The following FRMD4B variants were observed in gnomAD, a reference collection of about 807,000 sequenced individuals.
FRMD4B encodes the protein FERM domain containing 4B.
In FRMD4B, 74 loss-of-function variants were observed where a neutral mutation model predicts 141.5. That is an observed-to-expected ratio of 0.52 (90% CI 0.43 to 0.63). FRMD4B has a LOEUF of 0.63. Among genes scored for constraint, FRMD4B ranks in the 30% least tolerant of loss-of-function variants. FRMD4B has a pLI of 0.00. For missense variants in FRMD4B, 1,366 were observed against 1,253.4 expected, an observed-to-expected ratio of 1.09 and a Z score of -1.36; for synonymous variants, 506 against 467.9, an observed-to-expected ratio of 1.08 and a Z score of -1.05.
intron 1 of FRMD4B, among the ~76,000 whole-genome samples, chr3:69,344,341 G>C (rs959981348): frequency 6.6e-6 from 1 of 152,142 alleles, no homozygotes; most frequent in Non-Finnish European, 1.5e-5. Context: ...AGAAAGAAGG[G>C]GGAGAAAAAG....
intron 7 of FRMD4B, among the ~76,000 whole-genome samples, chr3:69,232,938 G>T (rs2093320431): frequency 6.9e-6 from 1 of 145,896 alleles, no homozygotes; most frequent in Admixed American, 6.9e-5. Context: ...TTTTGGTAGG[G>T]ATGAGGTCTC....
At chr3:69,504,317 T>C (rs1008245347) in intron 1 of FRMD4B, among the ~76,000 whole-genome samples, 30 of 152,204 alleles carry the variant, frequency 2.0e-4, no homozygotes, top group African/African-American at 7.2e-4. Context: ...AACAGCTTCA[T>C]TGGGATATAC....
Position 69,250,096 on chromosome 3 carries a change from G to A in FRMD4B, c.505C>T (p.Gln169Ter). Residue 169 changes from glutamine (Q) to a stop codon, truncating the protein, a stop_gained, in exon 6 of 23, where the codon CAA (glutamine) becomes TAA (stop). Coordinates refer to ENST00000398540, the MANE Select transcript of FRMD4B (RefSeq NM_015123.3). LOFTEE classifies it high-confidence loss of function. ...LNAKACVHKG[Q>*]IEVESETIFK... ...ATGGTTTCGCTCTCTACTTCGATTT[G>A]CCCCTGTTGATGGAAAAGGAAAGCA... is the stretch of plus-strand genomic sequence containing the variant. 3 of 1,605,910 alleles carry A rather than the reference G, an allele frequency of 1.9e-6. No individual in the cohort carries two copies. Among genetic ancestry groups the A allele is most frequent in the African/African-American group, 1.3e-5 (1 of 74,872 alleles).
At chr3:69,196,783 C>G in intron 13 of FRMD4B, 117 bp downstream of exon 13, 1 of 750,744 alleles carries the variant, frequency 1.3e-6, no homozygotes, top group Non-Finnish European at 2.1e-6. Context: ...AAGTTAAACG[C>G]AAAAAAATCT....
At chr3:69,466,162 T>C (rs1381308059) in intron 1 of FRMD4B, among the ~76,000 whole-genome samples, 6 of 152,226 alleles carry the variant, frequency 3.9e-5, no homozygotes, top group Non-Finnish European at 8.8e-5. Flanking sequence ...CATTCTTTCA[T>C]GTGTCTGTTG....
chr3:69,352,335 G>C (rs1452061629), intron 1 of FRMD4B, among the ~76,000 whole-genome samples: 1 of 152,092 alleles, frequency 6.6e-6, no homozygotes, highest in Non-Finnish European at 1.5e-5. Flanking sequence ...CTTTAGATAG[G>C]ACCGATTTAG....
At chr3:69,238,026 C>A (rs893278498) in intron 7 of FRMD4B, among the ~76,000 whole-genome samples, 1 of 152,216 alleles carries the variant, frequency 6.6e-6, no homozygotes, top group Non-Finnish European at 1.5e-5. Flanking sequence ...GCCACAGCGC[C>A]CATCCACTTT....
intron 1 of FRMD4B, among the ~76,000 whole-genome samples, chr3:69,454,588 G>C (rs1003438593): frequency 2.0e-5 from 3 of 152,220 alleles, no homozygotes; most frequent in Non-Finnish European, 2.9e-5. Context: ...CAGGCCAGCA[G>C]CTGCGGAGGG....
At chr3:69,313,355 G>A in intron 2 of FRMD4B, 97 bp downstream of exon 2, 2 of 767,728 alleles carry the variant, frequency 2.6e-6, no homozygotes, top group Admixed American at 2.0e-5. Context: ...TACAGACTAT[G>A]AGGCTCAGAG....
chr3:69,413,952 G>T (rs1210546165), intron 2 of FRMD4B, among the ~76,000 whole-genome samples: 1 of 152,100 alleles, frequency 6.6e-6, no homozygotes, highest in Non-Finnish European at 1.5e-5. Context: ...TGCCTTTGGG[G>T]ATTTGGAACC....
At chr3:69,234,055 T>C (rs1471482981) in intron 7 of FRMD4B, among the ~76,000 whole-genome samples, 1 of 151,754 alleles carries the variant, frequency 6.6e-6, no homozygotes, top group Non-Finnish European at 1.5e-5. Context: ...CAGACCAGCC[T>C]GGCCAAATGG....
intron 1 of FRMD4B, among the ~76,000 whole-genome samples, chr3:69,442,978 T>A (rs750039952): frequency 1.3e-5 from 2 of 152,186 alleles, no homozygotes. Context: ...TTCGGAGTGA[T>A]TGGGGTGAGA....
chr3:69,414,669 G>A (rs1704820971), intron 2 of FRMD4B, among the ~76,000 whole-genome samples: 2 of 152,136 alleles, frequency 1.3e-5, no homozygotes, highest in Admixed American at 6.5e-5. Context: ...TCGAGGGGCT[G>A]CATTTCAACA....
At position 69,196,311 on chromosome 3, in the gene FRMD4B, G is replaced by A. The variant is rs369835150; in HGVS notation, c.1178C>T (p.Thr393Ile). ...TGTQRASKLV[T>I]LETKSQFIMA... Reference sequence around the variant, plus strand: ...GATGAACTGACTTTTCGTCTCCAGTGTCACCAGCTTGGAGGCCCTTTGTGT... The same window carrying A: ...GATGAACTGACTTTTCGTCTCCAGTATCACCAGCTTGGAGGCCCTTTGTGT... Residue 393 changes from threonine to isoleucine, a missense_variant, in exon 14 of 23, where the codon ACA (threonine) becomes ATA (isoleucine). Physicochemically the swap from Thr to Ile is moderately conservative, Grantham distance 89. Coordinates refer to ENST00000398540, the MANE Select transcript of FRMD4B (RefSeq NM_015123.3). 7 of 1,606,326 alleles carry A rather than the reference G, an allele frequency of 4.4e-6. No individual in the cohort carries two copies. Among genetic ancestry groups the A allele is most frequent in the Non-Finnish European group, 6.0e-6 (7 of 1,174,140 alleles).
At chr3:69,478,855 T>A (rs1426561987) in intron 1 of FRMD4B, among the ~76,000 whole-genome samples, 1 of 151,918 alleles carries the variant, frequency 6.6e-6, no homozygotes, top group East Asian at 1.9e-4. Context: ...TCTTTGTTGG[T>A]CACTCAGGAC....
At chr3:69,413,890 G>C (rs1704804007) in intron 2 of FRMD4B, among the ~76,000 whole-genome samples, 1 of 152,124 alleles carries the variant, frequency 6.6e-6, no homozygotes, top group Admixed American at 6.6e-5. Context: ...GAAAAAAGTG[G>C]AGAGAAATTT....
intron 5 of FRMD4B, among the ~76,000 whole-genome samples, chr3:69,264,594 T>G (rs2093548920): frequency 6.6e-6 from 1 of 152,136 alleles, no homozygotes; most frequent in Non-Finnish European, 1.5e-5. Context: ...CAATTCTAGA[T>G]AAGCAAATTT....
rs1553724230 is a variant in FRMD4B at position 69,325,085 on chromosome 3, A to AAAAGAAAGAAAG, written c.163-11580_163-11569dup. Among the ~76,000 whole-genome samples the AAAAGAAAGAAAG allele has an allele frequency of 1.3e-3, 104 of 79,994 alleles. 2 individuals are homozygous for AAAAGAAAGAAAG. Among genetic ancestry groups the AAAAGAAAGAAAG allele is most frequent in the African/African-American group, 1.7e-3 (36 of 21,484 alleles). 52.5% of individuals were successfully genotyped at this position (79,994 alleles called of 152,430 possible). A position where few individuals can be genotyped will look rare whatever the true frequency, so the allele number is the denominator to read the frequency against. ...CAGTGAGATACTGTCTAAAAAAAAA[A>AAAAGAAAGAAAG]AAAGAAAGAAAGAAAGAAAGAAAGA... is the stretch of plus-strand genomic sequence containing the variant. On this transcript the variant is annotated intron_variant, in intron 1 of 22. Coordinates refer to ENST00000398540, the MANE Select transcript of FRMD4B (RefSeq NM_015123.3).
In FRMD4B at chr3:69,249,233, A is replaced by C; in HGVS notation, c.574T>G (p.Tyr192Asp). 1 of 1,573,664 alleles carries C rather than the reference A, an allele frequency of 6.4e-7. No homozygotes were observed. Among genetic ancestry groups the C allele is most frequent in the Non-Finnish European group, 8.7e-7 (1 of 1,147,816 alleles). Residue 192 changes from tyrosine to aspartate, a missense_variant, in exon 7 of 23, where the codon TAT becomes GAT. Coordinates refer to ENST00000398540, the MANE Select transcript of FRMD4B (RefSeq NM_015123.3). ...AGAAAAGAAAAGCATTACCTGGTAT[A>C]ATCTCCCTTGGCTTCCTAAAAACAA... The part of the protein sequence containing the change: ...AFILQEAKGD[Y>D]TSDENARKDL...
Sources: allele counts gnomAD v4.1 joint callset (sites outside exome capture counted in the v4.1 genomes callset), GRCh38; gene constraint gnomAD v4.1.1; transcripts MANE v1.5; gene names NCBI Gene and HGNC (gene_info 2026-07-23, HGNC 2026-07-21).